The following DPP10 variants were observed in gnomAD, a reference collection of about 807,000 sequenced individuals.
The protein encoded by DPP10 is dipeptidyl peptidase like 10, also known as inactive dipeptidyl peptidase 10.
In DPP10, 33 loss-of-function variants were observed where a neutral mutation model predicts 120.9. That is an observed-to-expected ratio of 0.27 (90% CI 0.21 to 0.37). The LOEUF (loss-of-function observed/expected upper bound fraction) is 0.37, where lower values mean the gene tolerates loss of function less well. DPP10 is among the 10% of genes least tolerant of loss of function. DPP10 has a pLI of 1.00. For missense variants in DPP10, 816 were observed against 942.8 expected (o/e 0.87, Z 1.76); for synonymous variants, 337 against 326.1 (o/e 1.03, Z -0.36).
At chr2:114,733,448 A>G (rs959940653) in intron 1 of DPP10, among the ~76,000 whole-genome samples, 2 of 152,186 alleles carry the variant, frequency 1.3e-5, no homozygotes, top group African/African-American at 2.4e-5. Flanking sequence ...ACATACTATG[A>G]AAAGAAAGAA....
At chr2:115,611,095 C>T (rs1334757556) in intron 5 of DPP10, among the ~76,000 whole-genome samples, 2 of 152,022 alleles carry the variant, frequency 1.3e-5, no homozygotes, top group Non-Finnish European at 2.9e-5. Flanking sequence ...GCAACTAATA[C>T]TCTGGAATTG....
chr2:115,417,871 C>T (rs1015117666), intron 3 of DPP10, among the ~76,000 whole-genome samples: 1 of 152,200 alleles, frequency 6.6e-6, no homozygotes, highest in African/African-American at 2.4e-5. Context: ...TTGAACTTTT[C>T]TCCGTCTGAT....
intron 1 of DPP10, among the ~76,000 whole-genome samples, chr2:115,270,479 C>A (rs1054228398): frequency 2.6e-5 from 4 of 152,040 alleles, no homozygotes; most frequent in African/African-American, 9.7e-5. Flanking sequence ...TATTGATTGG[C>A]TAATTTAAAG....
intron 5 of DPP10, among the ~76,000 whole-genome samples, chr2:115,649,830 C>A (rs1332556239): frequency 1.3e-5 from 2 of 152,052 alleles, no homozygotes; most frequent in East Asian, 3.9e-4. Context: ...TACTTTCTTT[C>A]CTTATATTTA....
intron 1 of DPP10, among the ~76,000 whole-genome samples, chr2:114,869,004 G>T (rs1396363008): frequency 6.6e-6 from 1 of 152,090 alleles, no homozygotes; most frequent in African/African-American, 2.4e-5. Flanking sequence ...TGAAAAGATT[G>T]AATTCAGTAT....
At chr2:115,055,614 C>A (rs1225903485) in intron 1 of DPP10, among the ~76,000 whole-genome samples, 3 of 151,900 alleles carry the variant, frequency 2.0e-5, no homozygotes, top group Non-Finnish European at 2.9e-5. Context: ...AAATTAATAT[C>A]TCATGAGCAA....
At chr2:114,463,613 G>A (rs996939695) in intron 1 of DPP10, among the ~76,000 whole-genome samples, 1 of 152,138 alleles carries the variant, frequency 6.6e-6, no homozygotes, top group Non-Finnish European at 1.5e-5. Flanking sequence ...TTTTGTCGAA[G>A]TGTGCATTTC....
At position 114,916,891 on chromosome 2, in the gene DPP10, C is replaced by A. The variant is rs570431509; in HGVS notation, c.61-392348C>A. On this transcript the variant is annotated intron_variant, in intron 1 of 25. Coordinates refer to ENST00000410059, the MANE Select transcript of DPP10 (RefSeq NM_020868.6). ...TGAGTGGGCAAAAGTTGGAAGCATT[C>A]CCCTGGAGAACCAGAGCAAGACAAG... 1.8e-3 allele frequency among the ~76,000 whole-genome samples: 276 copies of A among 152,274 alleles called. 3 individuals are homozygous for A. The highest frequency in any genetic ancestry group is 2.6e-3 in the Non-Finnish European group (175 of 68,024).
At chr2:115,826,322 G>T (rs1413754820) in intron 21 of DPP10, among the ~76,000 whole-genome samples, 1 of 152,118 alleles carries the variant, frequency 6.6e-6, no homozygotes, top group Admixed American at 6.5e-5. Flanking sequence ...CCTACTTTCA[G>T]TTCTATCAGT....
chr2:114,948,698 C>T (rs1016178536), intron 1 of DPP10, among the ~76,000 whole-genome samples: 12 of 152,152 alleles, frequency 7.9e-5, no homozygotes, highest in African/African-American at 2.9e-4. Context: ...CAAGTACCAC[C>T]ATTCTTTCTG....
At chr2:114,574,521 C>A (rs79291912) in intron 1 of DPP10, among the ~76,000 whole-genome samples, 2 of 152,318 alleles carry the variant, frequency 1.3e-5, no homozygotes, top group African/African-American at 4.8e-5. Flanking sequence ...GGAAAGGTAG[C>A]TGGTTAACAT....
chr2:115,740,983 C>T (rs1427976520), intron 9 of DPP10, among the ~76,000 whole-genome samples: 2 of 151,986 alleles, frequency 1.3e-5, no homozygotes, highest in Non-Finnish European at 2.9e-5. Context: ...GGTTTTCTGC[C>T]GTTTAATTCA....
At chr2:114,978,230 G>A (rs1370545161) in intron 1 of DPP10, among the ~76,000 whole-genome samples, 1 of 152,034 alleles carries the variant, frequency 6.6e-6, no homozygotes, top group Non-Finnish European at 1.5e-5. Context: ...GCCAAATATG[G>A]CTATTGAGCA....
At chr2:115,464,848 G>T (rs1371058851) in intron 3 of DPP10, among the ~76,000 whole-genome samples, 1 of 152,006 alleles carries the variant, frequency 6.6e-6, no homozygotes, top group Non-Finnish European at 1.5e-5. Flanking sequence ...GCAGAGACTG[G>T]GTGTCCTTGA....
At chr2:114,834,031 A>G (rs1687381641) in intron 1 of DPP10, 1 of 151,518 alleles carries the variant, frequency 6.6e-6, no homozygotes, top group South Asian at 2.1e-4. Flanking sequence ...ATAAACATAT[A>G]CACACACCTA....
At chr2:115,674,762 T>C (rs2090142923) in intron 5 of DPP10, among the ~76,000 whole-genome samples, 1 of 152,176 alleles carries the variant, frequency 6.6e-6, no homozygotes, top group South Asian at 2.1e-4. Context: ...TGAGGAACCT[T>C]ACAAATAGAG....
chr2:115,368,868 TATATG>T (rs2065234313), intron 3 of DPP10, among the ~76,000 whole-genome samples: 1 of 151,870 alleles, frequency 6.6e-6, no homozygotes, highest in Non-Finnish European at 1.5e-5. Context: ...CATAGAAAAT[TATATG>T]ATATCAACAA....
At chr2:114,620,391 G>A (rs1694002817) in intron 1 of DPP10, among the ~76,000 whole-genome samples, 1 of 151,950 alleles carries the variant, frequency 6.6e-6, no homozygotes, top group Non-Finnish European at 1.5e-5. Flanking sequence ...TTGCCTACAG[G>A]CTGTTAATTA....
intron 1 of DPP10, among the ~76,000 whole-genome samples, chr2:114,705,658 G>A (rs1345707358): frequency 2.0e-5 from 3 of 151,994 alleles, no homozygotes. Flanking sequence ...CAGTATCAAG[G>A]ATTTAATAAC....
Sources: allele counts gnomAD v4.1 joint callset (sites outside exome capture counted in the v4.1 genomes callset), GRCh38; gene constraint gnomAD v4.1.1; transcripts MANE v1.5; gene names NCBI Gene and HGNC (gene_info 2026-07-23, HGNC 2026-07-21).